Variants in DIAPH3 observed in about 807,000 individuals in gnomAD.
DIAPH3 encodes protein diaphanous homolog 3.
DIAPH3 carries 117 observed loss-of-function variants against 144.3 expected under a neutral mutation model. That is an observed-to-expected ratio of 0.81 (90% CI 0.70 to 0.95). The LOEUF is 0.95. DIAPH3 is among the 40% of genes least tolerant of loss of function. The probability of loss-of-function intolerance (pLI) is 0.00; values close to 1 mark genes in which losing one functional copy is unlikely to be tolerated. For synonymous variants in DIAPH3, 519 were observed against 488.9 expected (o/e 1.06, Z -0.81); for missense variants, 1,421 against 1,412.7 (o/e 1.01, Z -0.09).
chr13:60,021,666 C>CAAAA (rs55896515), intron 5 of DIAPH3, among the ~76,000 whole-genome samples: 18 of 81,404 alleles, frequency 2.2e-4, no homozygotes, highest in East Asian at 5.7e-4. Flanking sequence ...GGCTCTGTCT[C>CAAAA]AAAAAAAAAA....
intron 17 of DIAPH3, among the ~76,000 whole-genome samples, chr13:59,950,266 A>G (rs1204685274): frequency 1.3e-5 from 2 of 152,084 alleles, no homozygotes; most frequent in Non-Finnish European, 2.9e-5. Flanking sequence ...ATATCTTCTC[A>G]TTCTCAAACA....
chr13:59,815,096 G>C (rs1366361477), intron 24 of DIAPH3, among the ~76,000 whole-genome samples: 1 of 151,980 alleles, frequency 6.6e-6, no homozygotes, highest in African/African-American at 2.4e-5. Context: ...TTCATTGTTG[G>C]AATCAACATT....
Position 59,890,683 on chromosome 13 carries a change from CATATATGTATGT to C in DIAPH3, c.2368-11227_2368-11216del, listed in dbSNP as rs539416800. Among the ~76,000 whole-genome samples, 92 of 151,748 alleles carry C rather than the reference CATATATGTATGT, an allele frequency of 6.1e-4. 2 individuals are homozygous for C. The South Asian group carries it at 0.017, about 29-fold the overall frequency. On this transcript the variant is annotated intron_variant, in intron 20 of 27. Transcript: ENST00000400324. ...TTCTCTCTTCTTCTCCACATATATA[CATATATGTATGT>C]ATATATGTATGTATGTATAAGGTGC...
At chr13:59,937,301 C>A (rs779868955) in intron 17 of DIAPH3, among the ~76,000 whole-genome samples, 13 of 151,966 alleles carry the variant, frequency 8.6e-5, no homozygotes, top group African/African-American at 1.2e-4. Context: ...GTATGACATA[C>A]GAAGACATAT....
intron 17 of DIAPH3, among the ~76,000 whole-genome samples, chr13:59,951,938 G>C (rs184464820): frequency 6.6e-6 from 1 of 152,008 alleles, no homozygotes; most frequent in Non-Finnish European, 1.5e-5. Flanking sequence ...ATTGAAAACA[G>C]GTATTCAAAT....
rs566787249 is a variant in DIAPH3, at chr13:59,720,304, C to G, written c.3320-53458G>C. Among the ~76,000 whole-genome samples the G allele has an allele frequency of 5.9e-5, 9 of 152,096 alleles. No homozygotes were observed. The East Asian group carries it at 1.7e-3, about 29-fold the overall frequency. ...CTAAATATCATTATGTGGTACATGA[C>G]TATATTTTTTCAAAATCTGAATTTT... On this transcript the variant is annotated intron_variant, in intron 27 of 27. Transcript: ENST00000400324.
Position 59,924,465 on chromosome 13 carries a change from C to T in DIAPH3, c.2170+310G>A, listed in dbSNP as rs1009525973. Among the ~76,000 whole-genome samples, 4 of 149,468 alleles carry T rather than the reference C, an allele frequency of 2.7e-5. No homozygotes were observed. The East Asian group carries it at 7.8e-4, about 29-fold the overall frequency. Reference sequence around the variant, plus strand: ...TTTTTTCAAAATATGATGTCATTACCTAAATTCCTTAAGTCTTTATTTTTA... The same window carrying T: ...TTTTTTCAAAATATGATGTCATTACTTAAATTCCTTAAGTCTTTATTTTTA... On this transcript the variant is annotated intron_variant, in intron 18 of 27. Transcript: ENST00000400324.
At chr13:59,964,683 A>G (rs2049954549) in intron 17 of DIAPH3, among the ~76,000 whole-genome samples, 1 of 152,070 alleles carries the variant, frequency 6.6e-6, no homozygotes, top group South Asian at 2.1e-4. Context: ...CCGCACCCCA[A>G]CAGAGAATAT....
At chr13:59,797,176 C>T (rs2039653993) in intron 25 of DIAPH3, among the ~76,000 whole-genome samples, 2 of 151,974 alleles carry the variant, frequency 1.3e-5, no homozygotes, top group South Asian at 4.2e-4. Flanking sequence ...CACTTTCTAT[C>T]CCCCCATCCC....
At chr13:60,152,801 C>T (rs1951854241) in intron 1 of DIAPH3, among the ~76,000 whole-genome samples, 1 of 140,070 alleles carries the variant, frequency 7.1e-6, no homozygotes, top group Middle Eastern at 3.5e-3. Context: ...TGTTTTGAAA[C>T]ACATTGTATA....
intron 4 of DIAPH3, among the ~76,000 whole-genome samples, chr13:60,078,739 T>C (rs1391597213): frequency 6.6e-6 from 1 of 151,928 alleles, no homozygotes; most frequent in Non-Finnish European, 1.5e-5. Flanking sequence ...TGAAATAAAA[T>C]CTATATTACA....
At chr13:59,834,536 G>A (rs942530470) in intron 23 of DIAPH3, among the ~76,000 whole-genome samples, 2 of 151,788 alleles carry the variant, frequency 1.3e-5, no homozygotes, top group Non-Finnish European at 3.0e-5. Flanking sequence ...GGAAACTGAT[G>A]CAGGTCCTTT....
At chr13:59,668,693 T>C (rs1337329758) in intron 27 of DIAPH3, among the ~76,000 whole-genome samples, 1 of 152,222 alleles carries the variant, frequency 6.6e-6, no homozygotes, top group Non-Finnish European at 1.5e-5. Context: ...TTAGTTTGAA[T>C]ACTAATGACA....
intron 22 of DIAPH3, among the ~76,000 whole-genome samples, chr13:59,849,798 C>T (rs1400489830): frequency 2.0e-5 from 2 of 101,370 alleles, no homozygotes; most frequent in Non-Finnish European, 3.9e-5. Flanking sequence ...CTTGGCGATG[C>T]GGGCTCTTTT....
At chr13:59,873,855 A>G (rs543926485) in intron 21 of DIAPH3, among the ~76,000 whole-genome samples, 1 of 151,910 alleles carries the variant, frequency 6.6e-6, no homozygotes, top group Admixed American at 6.5e-5. Context: ...TAGTTTTAGT[A>G]GAGACAGGGT....
chr13:59,782,958 G>T (rs999182024), intron 25 of DIAPH3, among the ~76,000 whole-genome samples: 2 of 152,178 alleles, frequency 1.3e-5, no homozygotes, highest in Non-Finnish European at 2.9e-5. Context: ...GGTGAAGAGA[G>T]AGCCGGGGCC....
At chr13:59,897,844 A>C (rs2046206557) in intron 20 of DIAPH3, among the ~76,000 whole-genome samples, 2 of 148,144 alleles carry the variant, frequency 1.4e-5, no homozygotes, top group Admixed American at 1.3e-4. Flanking sequence ...AAAATAAGAG[A>C]ATGAAGGCTG....
Position 60,111,996 on chromosome 13 carries a change from A to T in DIAPH3, c.390+14T>A, listed in dbSNP as rs769178749. On this transcript the variant is annotated intron_variant, in intron 3 of 27. Transcript: ENST00000400324. ...TTTTTCCTCAAACATTTCCTAAAGA[A>T]TCAAAATTCTTACCATCATTTTTTC... is the stretch of plus-strand genomic sequence containing the variant. The T allele has an allele frequency of 3.7e-6, 6 of 1,613,676 alleles. No individual in the cohort carries two copies. In the South Asian group the frequency reaches 4.4e-5, roughly 12 times the overall value.
intron 21 of DIAPH3, among the ~76,000 whole-genome samples, chr13:59,869,725 A>G (rs1425959679): frequency 6.6e-5 from 10 of 152,194 alleles, no homozygotes; most frequent in Admixed American, 5.9e-4. Context: ...TAAATAGTCA[A>G]TATACCAGAA....
Sources: allele counts gnomAD v4.1 joint callset (sites outside exome capture counted in the v4.1 genomes callset), GRCh38; gene constraint gnomAD v4.1.1; transcripts MANE v1.5; gene names NCBI Gene and HGNC (gene_info 2026-07-23, HGNC 2026-07-21).